Variants in INTS9 observed in about 807,000 individuals in gnomAD.
INTS9 encodes the protein protein related to CPSF subunits of 74 kDa.
Under a neutral mutation model 79.7 loss-of-function variants are expected in INTS9, and 55 were observed. The ratio of observed to expected loss-of-function variants is 0.69; its 90% confidence interval spans 0.56 to 0.86. The LOEUF (loss-of-function observed/expected upper bound fraction) is 0.86, where lower values mean the gene tolerates loss of function less well. Ranked by LOEUF, INTS9 falls within the 40% of genes least tolerant of loss-of-function variation. The pLI is 0.00. For missense variants in INTS9, 721 were observed against 831.5 expected, an observed-to-expected ratio of 0.87 and a Z score of 1.64; for synonymous variants, 319 against 325.2, an observed-to-expected ratio of 0.98 and a Z score of 0.20.
chr8:28,774,515 CAA>C (rs764212868), intron 14 of INTS9, among the ~76,000 whole-genome samples: 7 of 151,808 alleles, frequency 4.6e-5, no homozygotes, highest in Non-Finnish European at 1.0e-4. Flanking sequence ...CAGACAAAAA[CAA>C]TCCAGAGAAA....
chr8:28,800,477 T>C (rs1009464925), intron 8 of INTS9, among the ~76,000 whole-genome samples: 2 of 152,134 alleles, frequency 1.3e-5, no homozygotes, highest in Non-Finnish European at 2.9e-5. Flanking sequence ...GAGCAGGCAG[T>C]GAGAAGCCAA....
At chr8:28,841,386 A>G (rs565297175) in intron 4 of INTS9, among the ~76,000 whole-genome samples, 1 of 152,380 alleles carries the variant, frequency 6.6e-6, no homozygotes, top group East Asian at 1.9e-4. Flanking sequence ...TGAAGCAACA[A>G]TAAAGCTAAA....
chr8:28,880,420 G>T (rs1435590283), intron 1 of INTS9, among the ~76,000 whole-genome samples: 3 of 152,160 alleles, frequency 2.0e-5, no homozygotes, highest in African/African-American at 7.2e-5. Flanking sequence ...CGCCACGCCT[G>T]ACTGGTTTTC....
chr8:28,791,637 G>A (rs999194287), intron 10 of INTS9, among the ~76,000 whole-genome samples: 1 of 152,230 alleles, frequency 6.6e-6, no homozygotes, highest in African/African-American at 2.4e-5. Flanking sequence ...GTGTGGGTAT[G>A]TGTGTATATA....
intron 1 of INTS9, among the ~76,000 whole-genome samples, chr8:28,881,269 G>A (rs1809769648): frequency 2.0e-5 from 3 of 147,910 alleles, no homozygotes; most frequent in African/African-American, 5.0e-5. Flanking sequence ...TCAGCCCCCC[G>A]CCCGGCCAGC....
intron 8 of INTS9, among the ~76,000 whole-genome samples, chr8:28,806,057 C>G (rs1804791585): frequency 6.8e-6 from 1 of 146,996 alleles, no homozygotes; most frequent in South Asian, 2.1e-4. Context: ...TAGGAAGATC[C>G]TGTCTCTACA....
At chr8:28,825,822 G>C (rs575845922) in intron 6 of INTS9, among the ~76,000 whole-genome samples, 1 of 152,344 alleles carries the variant, frequency 6.6e-6, no homozygotes, top group African/African-American at 2.4e-5. Context: ...CTTATTTCTA[G>C]AGAAATTACT....
chr8:28,823,811 C>T lies in INTS9; in HGVS notation c.489-10199G>A, dbSNP rs141687457. On this transcript the variant is annotated intron_variant, in intron 6 of 16. Transcript: ENST00000521022. ...AGATAGAAAAAATAATCCTAATAAT[C>T]TTATATGGCCGGTGAATTGCATTTA... 7.4e-3 allele frequency among the ~76,000 whole-genome samples: 1,127 copies of T among 152,234 alleles called. 10 individuals carry two copies. The highest frequency in any genetic ancestry group is 0.026 in the African/African-American group (1,075 of 41,534).
At chr8:28,878,472 C>G (rs1809510366) in intron 1 of INTS9, among the ~76,000 whole-genome samples, 1 of 149,338 alleles carries the variant, frequency 6.7e-6, no homozygotes, top group African/African-American at 2.5e-5. Flanking sequence ...GCCACCACAT[C>G]CAGCTAAAAA....
chr8:28,824,447 C>T (rs185452960), intron 6 of INTS9, among the ~76,000 whole-genome samples: 72 of 152,332 alleles, frequency 4.7e-4, no homozygotes, highest in African/African-American at 1.6e-3. Flanking sequence ...GCCTGCACCC[C>T]ACCTACCTAA....
At chr8:28,812,180 A>C in intron 8 of INTS9, 147 bp downstream of exon 8, 5 of 776,584 alleles carry the variant, frequency 6.4e-6, no homozygotes, top group Non-Finnish European at 8.2e-6. Context: ...CAAAATGTTG[A>C]GACTCAAATA....
At chr8:28,793,615 GACA>G in intron 10 of INTS9, 189 bp downstream of exon 10, 1 of 522,714 alleles carries the variant, frequency 1.9e-6, no homozygotes, top group Non-Finnish European at 3.3e-6. Flanking sequence ...TTCCCTCTTT[GACA>G]ACTATTATTC....
intron 12 of INTS9, among the ~76,000 whole-genome samples, chr8:28,779,833 A>G (rs1196943185): frequency 6.6e-6 from 1 of 152,090 alleles, no homozygotes; most frequent in African/African-American, 2.4e-5. Flanking sequence ...CTGAAGCGTC[A>G]CCCCAGTGCT....
intron 4 of INTS9, among the ~76,000 whole-genome samples, chr8:28,844,104 C>G (rs1233670443): frequency 6.6e-6 from 1 of 152,212 alleles, no homozygotes; most frequent in Non-Finnish European, 1.5e-5. Context: ...ACAACAGCAA[C>G]AGGAGGTGGC....
intron 12 of INTS9, chr8:28,780,528 T>A (rs1477278789): frequency 1.0e-6 from 1 of 985,280 alleles, no homozygotes; most frequent in African/African-American, 1.7e-5. Context: ...CGTTACTGAA[T>A]CACTGCACTT....
intron 11 of INTS9, among the ~76,000 whole-genome samples, chr8:28,785,277 T>C (rs1184229903): frequency 2.0e-5 from 3 of 152,262 alleles, no homozygotes; most frequent in Non-Finnish European, 4.4e-5. Flanking sequence ...TTTGGGACTA[T>C]AAATGATCTA....
intron 14 of INTS9, among the ~76,000 whole-genome samples, chr8:28,771,997 A>T (rs961994940): frequency 6.6e-6 from 1 of 152,086 alleles, no homozygotes; most frequent in African/African-American, 2.4e-5. Context: ...AGTAGCTGGG[A>T]CTACAGGCAT....
intron 8 of INTS9, among the ~76,000 whole-genome samples, chr8:28,806,675 A>G (rs1729035529): frequency 6.6e-6 from 1 of 152,252 alleles, no homozygotes; most frequent in African/African-American, 2.4e-5. Context: ...AATGCAAAAG[A>G]TTAGAATCCT....
intron 3 of INTS9, among the ~76,000 whole-genome samples, chr8:28,847,063 C>G (rs1807560644): frequency 6.6e-6 from 1 of 152,136 alleles, no homozygotes. Context: ...TCAAGAAAGC[C>G]ATGCATGGGT....
Sources: gnomAD v4.1 joint callset for allele counts (sites outside exome capture counted in the v4.1 genomes callset) on GRCh38, gnomAD v4.1.1 for gene constraint, MANE v1.5 for transcripts, NCBI Gene and HGNC (gene_info 2026-07-23, HGNC 2026-07-21) for gene names.